Variants in HDHD2 observed in about 807,000 individuals in gnomAD.
HDHD2 encodes the protein haloacid dehalogenase like hydrolase domain containing 2.
A neutral mutation model predicts 24.8 loss-of-function variants in HDHD2; 26 were observed. The observed-to-expected ratio is 1.05, with a 90% CI of 0.77 to 1.45. The LOEUF (loss-of-function observed/expected upper bound fraction) is 1.45, where lower values mean the gene tolerates loss of function less well. Ranked by LOEUF, HDHD2 falls within the 40% of genes most tolerant of loss-of-function variation. The pLI, the probability that HDHD2 is intolerant of heterozygous loss-of-function variation, is 0.00. For synonymous variants in HDHD2, 128 were observed against 114.9 expected (o/e 1.11, Z -0.73); for missense variants, 299 against 313.4 (o/e 0.95, Z 0.35).
At chr18:47,131,258 T>A (rs1471351160) in intron 3 of HDHD2, among the ~76,000 whole-genome samples, 1 of 152,150 alleles carries the variant, frequency 6.6e-6, no homozygotes, top group East Asian at 1.9e-4. Context: ...ATTACAGATG[T>A]GAGCCACCAC....
At chr18:47,134,757 A>G (rs1476774843) in intron 2 of HDHD2, 53 bp from the exon 3 acceptor site, 4 of 1,411,198 alleles carry the variant, frequency 2.8e-6, no homozygotes, top group African/African-American at 1.4e-5. Context: ...TTCTGGCCCT[A>G]TAAAATCTCC....
At chr18:47,120,667 G>T (rs992153704) in intron 4 of HDHD2, among the ~76,000 whole-genome samples, 1 of 152,076 alleles carries the variant, frequency 6.6e-6, no homozygotes, top group Non-Finnish European at 1.5e-5. Flanking sequence ...AGCCTATCTC[G>T]GCTTTCGACA....
chr18:47,108,926 T>C, intron 6 of HDHD2, 141 bp from the exon 7 acceptor site: 1 of 593,190 alleles, frequency 1.7e-6, no homozygotes, highest in Admixed American at 3.3e-5. Context: ...AAATCACCTT[T>C]TATTGAGGCT....
chr18:47,129,301 T>C (rs972654525), intron 4 of HDHD2, among the ~76,000 whole-genome samples: 2 of 152,128 alleles, frequency 1.3e-5, no homozygotes, highest in Admixed American at 6.5e-5. Context: ...AGCAGCAAAA[T>C]AGTTCATTTA....
intron 2 of HDHD2, 47 bp downstream of exon 2, chr18:47,136,292 T>C (rs2063765174): frequency 6.2e-7 from 1 of 1,609,046 alleles, no homozygotes; most frequent in South Asian, 1.1e-5. Flanking sequence ...CGTGGTAAAA[T>C]GGCACTTACA....
intron 2 of HDHD2, among the ~76,000 whole-genome samples, chr18:47,134,950 GCT>G (rs1337205342): frequency 6.6e-6 from 1 of 152,154 alleles, no homozygotes; most frequent in Non-Finnish European, 1.5e-5. Context: ...AGCAGTAAAA[GCT>G]CTGTCCAACA....
In HDHD2 at chr18:47,148,537, C is replaced by T. The variant is rs982836944; in HGVS notation, c.-11+1841G>A. Among the ~76,000 whole-genome samples, 54 of 152,144 alleles carry T rather than the reference C, an allele frequency of 3.5e-4. 1 individual carries two copies. Among genetic ancestry groups the T allele is most frequent in the African/African-American group, 1.3e-3 (53 of 41,430 alleles). On this transcript the variant is annotated intron_variant, in intron 1 of 6. Coordinates refer to ENST00000300605, the MANE Select transcript of HDHD2 (RefSeq NM_032124.5). ...AAGAAGAAAAGCCATATTCTCTCAT[C>T]CCAAGAGGAGAACTTCCAGATACTT...
At chr18:47,149,508 ACAG>A (rs1338097724) in intron 1 of HDHD2, among the ~76,000 whole-genome samples, 1 of 152,158 alleles carries the variant, frequency 6.6e-6, no homozygotes, top group East Asian at 1.9e-4. Flanking sequence ...ACACTGGTGG[ACAG>A]AGTCCTGGTT....
At chr18:47,137,209 G>GCAAT in intron 1 of HDHD2, 2 of 653,434 alleles carry the variant, frequency 3.1e-6, no homozygotes, top group South Asian at 2.8e-5. Context: ...AATTTGATGG[G>GCAAT]CAATCAATCA....
intron 6 of HDHD2, chr18:47,110,605 G>A (rs2063508022): frequency 5.1e-6 from 5 of 985,318 alleles, no homozygotes; most frequent in Non-Finnish European, 6.0e-6. Context: ...TGACAAAAGT[G>A]GCTTAGGTAT....
chr18:47,110,434 T>C, intron 6 of HDHD2: 1 of 985,312 alleles, frequency 1.0e-6, no homozygotes, highest in Middle Eastern at 5.2e-4. Flanking sequence ...TTCACAAGGT[T>C]TCTATTTGAT....
At chr18:47,118,198 C>T (rs1289676684) in intron 4 of HDHD2, among the ~76,000 whole-genome samples, 1 of 152,112 alleles carries the variant, frequency 6.6e-6, no homozygotes, top group African/African-American at 2.4e-5. Flanking sequence ...TAGAGCCACA[C>T]AATTCCTCAA....
chr18:47,108,865 T>C (rs2063493833), intron 6 of HDHD2, 80 bp from the exon 7 acceptor site: 2 of 780,582 alleles, frequency 2.6e-6, no homozygotes, highest in South Asian at 1.5e-5. Flanking sequence ...ACCTGGGTCA[T>C]CACAGCACCA....
intron 1 of HDHD2, among the ~76,000 whole-genome samples, chr18:47,143,819 T>C (rs188746663): frequency 2.8e-4 from 43 of 152,208 alleles, no homozygotes; most frequent in Non-Finnish European, 5.7e-4. Context: ...AATAAAAATA[T>C]CCCAAAGAAC....
At chr18:47,142,308 T>C (rs1375502433) in intron 1 of HDHD2, among the ~76,000 whole-genome samples, 2 of 152,184 alleles carry the variant, frequency 1.3e-5, no homozygotes, top group Admixed American at 1.3e-4. Flanking sequence ...GAAAAAAATT[T>C]TCTTTCCTGT....
At chr18:47,141,721 T>C (rs1301682135) in intron 1 of HDHD2, among the ~76,000 whole-genome samples, 1 of 152,244 alleles carries the variant, frequency 6.6e-6, no homozygotes. Context: ...CTCCATCCTT[T>C]TGTTTTTTGA....
chr18:47,125,154 C>G lies in HDHD2; in HGVS notation c.395+5090G>C, dbSNP rs114486899. 7.4e-3 allele frequency among the ~76,000 whole-genome samples: 1,128 copies of G among 151,854 alleles called. 9 individuals carry two copies. The highest frequency in any genetic ancestry group is 0.025 in the African/African-American group (1,038 of 41,404). ...TCTAGCCTGGGTGACAGAGCAAGAC[C>G]CTGTCTTTGAAAAAAATAACAACAA... On this transcript the variant is annotated intron_variant, in intron 4 of 6. Transcript: ENST00000300605.
chr18:47,148,753 T>C (rs1408950917), intron 1 of HDHD2, among the ~76,000 whole-genome samples: 1 of 152,232 alleles, frequency 6.6e-6, no homozygotes, highest in East Asian at 1.9e-4. Context: ...TAAAACTACC[T>C]TTTTGAAGTT....
intron 6 of HDHD2, 91 bp downstream of exon 6, chr18:47,112,885 AG>A: frequency 9.5e-7 from 1 of 1,057,710 alleles, no homozygotes. Context: ...AAAAGTGCCC[AG>A]GGCTCTGCCA....
Sources: allele counts gnomAD v4.1 joint callset (sites outside exome capture counted in the v4.1 genomes callset), GRCh38; gene constraint gnomAD v4.1.1; transcripts MANE v1.5; gene names NCBI Gene and HGNC (gene_info 2026-07-23, HGNC 2026-07-21).